SEMA3D: variants seen among roughly 807,000 people sequenced by gnomAD.
SEMA3D encodes semaphorin-3D.
A neutral mutation model predicts 100.1 loss-of-function variants in SEMA3D; 84 were observed. The ratio of observed to expected loss-of-function variants is 0.84; its 90% CI spans 0.70 to 1.01. The LOEUF (loss-of-function observed/expected upper bound fraction) is 1.01. SEMA3D is among the 50% of genes least tolerant of loss of function. The pLI is 0.00. For synonymous variants in SEMA3D, 312 were observed against 320.7 expected, an observed-to-expected ratio of 0.97 and a Z score of 0.29; for missense variants, 875 against 934.1, an observed-to-expected ratio of 0.94 and a Z score of 0.82.
the SEMA3D span, among the ~76,000 whole-genome samples, chr7:85,228,264 A>T: frequency 6.6e-6 from 1 of 152,176 alleles, no homozygotes; most frequent in African/African-American, 2.4e-5. Context: ...CTACAAAGTC[A>T]TGGTTAAATA....
intron 6 of SEMA3D, among the ~76,000 whole-genome samples, chr7:85,072,010 G>A (rs910976143): frequency 2.0e-5 from 3 of 152,182 alleles, no homozygotes; most frequent in African/African-American, 7.2e-5. Context: ...GTTGGGTGAT[G>A]TAGCATGTAA....
chr7:85,223,899 GA>G, the SEMA3D span, among the ~76,000 whole-genome samples: 18 of 144,972 alleles, frequency 1.2e-4, no homozygotes, highest in East Asian at 6.0e-4. Flanking sequence ...AAAAGCTGTT[GA>G]AAAAAAAAAG....
intron 10 of SEMA3D, chr7:85,041,602 G>A (rs999126301): frequency 6.6e-5 from 10 of 151,948 alleles, no homozygotes; most frequent in African/African-American, 2.4e-4. Flanking sequence ...ATAAGAACAA[G>A]TTCAAGAAGC....
At position 85,156,033 on chromosome 7, in the gene SEMA3D, C is replaced by G. The variant is rs375482804; in HGVS notation, c.-172-2294G>C. On this transcript the variant is annotated intron_variant, in intron 1 of 18. Coordinates refer to ENST00000284136, the MANE Select transcript of SEMA3D (RefSeq NM_001384900.1). ...TTATCACCTATTTGTTACATATATA[C>G]ATATTAGCTTAGAAATGTAGACAAA... is the stretch of plus-strand genomic sequence containing the variant. 4.6e-5 allele frequency among the ~76,000 whole-genome samples: 7 copies of G among 151,798 alleles called. No individual in the cohort carries two copies. In the East Asian group the frequency reaches 5.8e-4, roughly 13 times the overall value.
the SEMA3D span, among the ~76,000 whole-genome samples, chr7:85,205,460 C>T: frequency 6.6e-6 from 1 of 152,010 alleles, no homozygotes. Flanking sequence ...AAAAAGTGTC[C>T]TTTAATTTTT....
At chr7:85,118,504 C>A (rs371470131) in intron 3 of SEMA3D, among the ~76,000 whole-genome samples, 19 of 152,044 alleles carry the variant, frequency 1.2e-4, no homozygotes, top group African/African-American at 4.6e-4. Context: ...TTTTTTCTGG[C>A]AGATATTGAG....
chr7:85,148,735 T>A (rs897498857), intron 2 of SEMA3D, among the ~76,000 whole-genome samples: 12 of 151,940 alleles, frequency 7.9e-5, no homozygotes, highest in Admixed American at 5.9e-4. Flanking sequence ...TTGAAAAAAA[T>A]TAGTTAAATC....
intron 2 of SEMA3D, among the ~76,000 whole-genome samples, chr7:85,152,470 T>C (rs546987656): frequency 1.6e-3 from 245 of 152,250 alleles, no homozygotes; most frequent in Admixed American, 3.4e-3. Context: ...TTAACTACGA[T>C]GAAAGTGATC....
chr7:85,039,663 G>C (rs1214067280), intron 11 of SEMA3D, among the ~76,000 whole-genome samples: 1 of 152,112 alleles, frequency 6.6e-6, no homozygotes, highest in Non-Finnish European at 1.5e-5. Flanking sequence ...ACATGAAATT[G>C]TCTTCACTTT....
At chr7:85,047,052 G>A (rs1247803196) in intron 9 of SEMA3D, among the ~76,000 whole-genome samples, 1 of 151,770 alleles carries the variant, frequency 6.6e-6, no homozygotes, top group Non-Finnish European at 1.5e-5. Flanking sequence ...ATGTAAACAA[G>A]CCTGATCACA....
chr7:85,040,153 T>A (rs971087249), intron 11 of SEMA3D, among the ~76,000 whole-genome samples: 1 of 151,738 alleles, frequency 6.6e-6, no homozygotes, highest in Non-Finnish European at 1.5e-5. Context: ...TTTTTTTATT[T>A]ACTTTTTGTA....
the SEMA3D span, among the ~76,000 whole-genome samples, chr7:85,243,712 G>A: frequency 6.6e-6 from 1 of 152,170 alleles, no homozygotes; most frequent in Non-Finnish European, 1.5e-5. Context: ...TCTTCCACGT[G>A]AAATGTGAAG....
the SEMA3D span, among the ~76,000 whole-genome samples, chr7:85,214,161 C>T: frequency 3.1e-4 from 47 of 152,220 alleles, no homozygotes; most frequent in Non-Finnish European, 6.0e-4. Flanking sequence ...TAATAAAATA[C>T]ACATATTGTT....
chr7:85,181,788 A>T (rs1368542565), intron 1 of SEMA3D: 1 of 980,976 alleles, frequency 1.0e-6, no homozygotes, highest in Non-Finnish European at 1.2e-6. Context: ...AAAGATTAGC[A>T]TGCTAGTTAA....
intron 3 of SEMA3D, among the ~76,000 whole-genome samples, chr7:85,109,606 A>G (rs1304117621): frequency 6.6e-6 from 1 of 152,018 alleles, no homozygotes; most frequent in East Asian, 1.9e-4. Context: ...AATTAGTTGG[A>G]TTAAAGCAGT....
chr7:85,206,148 C>G, the SEMA3D span, among the ~76,000 whole-genome samples: 1 of 152,078 alleles, frequency 6.6e-6, no homozygotes, highest in African/African-American at 2.4e-5. Flanking sequence ...AGGGGCATAG[C>G]CTTCTTCCAC....
In SEMA3D at chr7:85,006,952, A is replaced by G. The variant is rs1789815020; in HGVS notation, c.1769-11T>C. ...TTTCATGACTAATGCCTGGAAAGCA[A>G]ACATGGAATAAGAGATTAACCTTGA... On this transcript the variant is annotated splice_polypyrimidine_tract_variant and intron_variant, in intron 17 of 18. Transcript: ENST00000284136. 9 of 1,606,964 alleles carry G rather than the reference A, an allele frequency of 5.6e-6. No individual in the cohort carries two copies. The highest frequency in any genetic ancestry group is 7.7e-6 in the Non-Finnish European group (9 of 1,175,630).
intron 9 of SEMA3D, among the ~76,000 whole-genome samples, chr7:85,043,212 A>T (rs114944446): frequency 6.6e-6 from 1 of 152,028 alleles, no homozygotes; most frequent in Admixed American, 6.6e-5. Flanking sequence ...TTAAAAATTC[A>T]GTCATGTGTG....
At chr7:85,043,907 T>A (rs559112362) in intron 9 of SEMA3D, among the ~76,000 whole-genome samples, 61 of 152,222 alleles carry the variant, frequency 4.0e-4, no homozygotes, top group African/African-American at 1.4e-3. Flanking sequence ...GTTTCTAGTA[T>A]GTCTTTATCA....
Sources: gnomAD v4.1 joint callset for allele counts (sites outside exome capture counted in the v4.1 genomes callset) on GRCh38, gnomAD v4.1.1 for gene constraint, MANE v1.5 for transcripts, NCBI Gene and HGNC (gene_info 2026-07-23, HGNC 2026-07-21) for gene names.